CNTN5: variants seen among roughly 807,000 people sequenced by gnomAD.
CNTN5 encodes contactin-5.
Under a neutral mutation model 129.1 loss-of-function variants are expected in CNTN5, and 77 were observed. The ratio of observed to expected loss-of-function variants is 0.60; its 90% CI spans 0.50 to 0.72. The LOEUF is 0.72. Among genes scored for constraint, CNTN5 ranks in the 30% least tolerant of loss-of-function variants. The pLI, the probability that CNTN5 is intolerant of heterozygous loss-of-function variation, is 0.00. For missense variants in CNTN5, 1,478 were observed against 1,328.8 expected, an observed-to-expected ratio of 1.11 and a Z score of -1.75; for synonymous variants, 509 against 465.6, an observed-to-expected ratio of 1.09 and a Z score of -1.20.
At chr11:99,772,127 T>C (rs539282430) in intron 3 of CNTN5, among the ~76,000 whole-genome samples, 5 of 151,862 alleles carry the variant, frequency 3.3e-5, no homozygotes, top group African/African-American at 1.2e-4. Flanking sequence ...CATTGGACAT[T>C]GTGAGAAAAA....
At position 99,791,999 on chromosome 11, in the gene CNTN5, T is replaced by C. The variant is rs1945760887; in HGVS notation, c.56-27545T>C. On this transcript the variant is annotated intron_variant, in intron 3 of 24. Coordinates refer to ENST00000524871, the MANE Select transcript of CNTN5 (RefSeq NM_014361.4). Reference sequence around the variant, plus strand: ...AACATTGTTTGTCAAAGGCTTTTGGTGGGGTCTTTAGGGCTTTATAGGTAT... The same window carrying C: ...AACATTGTTTGTCAAAGGCTTTTGGCGGGGTCTTTAGGGCTTTATAGGTAT... Among the ~76,000 whole-genome samples the C allele has an allele frequency of 2.6e-5, 4 of 152,170 alleles. No homozygotes were observed. The South Asian group carries it at 8.3e-4, about 32-fold the overall frequency.
intron 3 of CNTN5, among the ~76,000 whole-genome samples, chr11:99,718,228 C>A (rs554782592): frequency 6.6e-6 from 1 of 152,204 alleles, no homozygotes; most frequent in South Asian, 2.1e-4. Flanking sequence ...TTCACTAATA[C>A]ATTTGTTAAA....
intron 1 of CNTN5, among the ~76,000 whole-genome samples, chr11:99,102,222 A>G (rs544521648): frequency 6.6e-6 from 1 of 151,914 alleles, no homozygotes; most frequent in Admixed American, 6.5e-5. Context: ...GGACCACAAA[A>G]CCATATTTTT....
chr11:100,034,487 C>A (rs923012901), intron 9 of CNTN5, among the ~76,000 whole-genome samples: 1 of 152,216 alleles, frequency 6.6e-6, no homozygotes, highest in South Asian at 2.1e-4. Flanking sequence ...TACATGATTT[C>A]TTCCTCAGCC....
At chr11:100,225,543 C>T (rs907743670) in intron 16 of CNTN5, 1 of 151,698 alleles carries the variant, frequency 6.6e-6, no homozygotes, top group Non-Finnish European at 1.5e-5. Flanking sequence ...TTCCTTTTAG[C>T]TTTGTTTGAA....
intron 7 of CNTN5, among the ~76,000 whole-genome samples, chr11:99,939,983 A>G (rs1182064751): frequency 1.3e-5 from 2 of 152,206 alleles, no homozygotes; most frequent in Admixed American, 6.6e-5. Context: ...GGCAACCAGA[A>G]TATTTCACTT....
At position 99,729,177 on chromosome 11, in the gene CNTN5, G is replaced by A. The variant is rs189040286; in HGVS notation, c.56-90367G>A. On this transcript the variant is annotated intron_variant, in intron 3 of 24. Coordinates refer to ENST00000524871, the MANE Select transcript of CNTN5 (RefSeq NM_014361.4). ...GTTATAAATAAGGTATAACATTCACGTGGGTATTTAGAAGGATGAGATAAA... is the reference window on the plus strand; with the variant it reads ...GTTATAAATAAGGTATAACATTCACATGGGTATTTAGAAGGATGAGATAAA... Among the ~76,000 whole-genome samples, 180 of 152,222 alleles carry A rather than the reference G, an allele frequency of 1.2e-3. 1 individual carries two copies. The highest frequency in any genetic ancestry group is 3.9e-3 in the African/African-American group (162 of 41,516).
chr11:100,000,939 C>G (rs1047124491), intron 8 of CNTN5, among the ~76,000 whole-genome samples: 8 of 152,124 alleles, frequency 5.3e-5, no homozygotes, highest in Non-Finnish European at 1.0e-4. Context: ...ACACGAGACA[C>G]CATGTCTCGA....
intron 2 of CNTN5, among the ~76,000 whole-genome samples, chr11:99,328,902 A>C (rs1311711230): frequency 7.5e-6 from 1 of 134,182 alleles, no homozygotes; most frequent in Non-Finnish European, 1.6e-5. Context: ...AAAAAACAGG[A>C]AAAAGAAAAA....
At chr11:99,437,230 A>G (rs933804253) in intron 2 of CNTN5, among the ~76,000 whole-genome samples, 6 of 152,192 alleles carry the variant, frequency 3.9e-5, no homozygotes, top group African/African-American at 1.2e-4. Context: ...ATGATCTTCA[A>G]TTATAAAAAT....
At chr11:100,154,292 A>G (rs1206576226) in intron 13 of CNTN5, among the ~76,000 whole-genome samples, 2 of 151,938 alleles carry the variant, frequency 1.3e-5, no homozygotes, top group African/African-American at 4.8e-5. Context: ...ATCCTTTTTT[A>G]TGGCTGCATA....
At chr11:100,025,623 C>T (rs1941378740) in intron 9 of CNTN5, among the ~76,000 whole-genome samples, 2 of 152,196 alleles carry the variant, frequency 1.3e-5, no homozygotes, top group Admixed American at 1.3e-4. Flanking sequence ...TGCCAAGCCA[C>T]AGGGGTGAAG....
intron 2 of CNTN5, among the ~76,000 whole-genome samples, chr11:99,385,139 C>A (rs1940844688): frequency 6.6e-6 from 1 of 151,798 alleles, no homozygotes; most frequent in African/African-American, 2.4e-5. Context: ...TAGTAGTTAT[C>A]ATTTTGTAGT....
chr11:99,742,666 C>T (rs1242595756), intron 3 of CNTN5, among the ~76,000 whole-genome samples: 3 of 152,056 alleles, frequency 2.0e-5, no homozygotes, highest in Non-Finnish European at 2.9e-5. Flanking sequence ...GAGACTTGTG[C>T]AAGATTCCAT....
At chr11:100,280,256 C>G (rs1444994275) in intron 18 of CNTN5, among the ~76,000 whole-genome samples, 1 of 151,928 alleles carries the variant, frequency 6.6e-6, no homozygotes, top group Non-Finnish European at 1.5e-5. Context: ...GAAGGTCTGT[C>G]TAGTGCTGAA....
intron 6 of CNTN5, among the ~76,000 whole-genome samples, chr11:99,870,686 G>C (rs1591341585): frequency 6.6e-6 from 1 of 152,032 alleles, no homozygotes; most frequent in South Asian, 2.1e-4. Context: ...GCTTTTCTTT[G>C]TAATTACGGA....
At chr11:99,519,367 C>T (rs1299880081) in intron 2 of CNTN5, among the ~76,000 whole-genome samples, 1 of 152,026 alleles carries the variant, frequency 6.6e-6, no homozygotes, top group Admixed American at 6.6e-5. Flanking sequence ...AGTTTGTTCA[C>T]AGCACCAATT....
At chr11:100,007,812 G>A (rs994514299) in intron 9 of CNTN5, among the ~76,000 whole-genome samples, 2 of 151,676 alleles carry the variant, frequency 1.3e-5, no homozygotes, top group Non-Finnish European at 2.9e-5. Context: ...TCACAAGTCG[G>A]CTAACTGAGC....
chr11:100,062,926 A>G (rs1206185329), intron 10 of CNTN5, among the ~76,000 whole-genome samples: 2 of 152,164 alleles, frequency 1.3e-5, no homozygotes, highest in Admixed American at 6.5e-5. Flanking sequence ...ATACACGTTC[A>G]TTTTATTCTC....
Sources: allele counts gnomAD v4.1 joint callset (sites outside exome capture counted in the v4.1 genomes callset), GRCh38; gene constraint gnomAD v4.1.1; transcripts MANE v1.5; gene names NCBI Gene and HGNC (gene_info 2026-07-23, HGNC 2026-07-21).